The following USP15 variants were observed in gnomAD, a reference collection of about 807,000 sequenced individuals.
The protein encoded by USP15 is ubiquitin specific peptidase 15, also known as ubiquitin carboxyl-terminal hydrolase 15.
USP15 carries 18 observed loss-of-function variants against 127.1 expected under a neutral mutation model. The ratio of observed to expected loss-of-function variants is 0.14; its 90% CI spans 0.10 to 0.21. USP15 has a LOEUF of 0.21. Ranked by LOEUF, USP15 falls within the 10% of genes least tolerant of loss-of-function variation. The pLI, the probability that USP15 is intolerant of heterozygous loss-of-function variation, is 1.00. For missense variants in USP15, 805 were observed against 1,159.9 expected (o/e 0.69, Z 4.44); for synonymous variants, 364 against 393.7 (o/e 0.92, Z 0.89).
Position 62,384,308 on chromosome 12 carries a change from T to C in USP15, c.1473+6T>C. ...CACTTACCAAACCTATGCAGGTAAA[T>C]CATGGGTTGGTTTGTTTTGTTTTTT... On this transcript the variant is annotated splice_donor_region_variant and intron_variant, in intron 11 of 21. Coordinates refer to ENST00000280377, the MANE Select transcript of USP15 (RefSeq NM_001252078.2). The C allele has an allele frequency of 1.9e-6, 3 of 1,542,842 alleles. No homozygotes were observed. The highest frequency in any genetic ancestry group is 2.6e-6 in the Non-Finnish European group (3 of 1,144,786).
At chr12:62,267,557 T>C (rs1008431813) in intron 1 of USP15, among the ~76,000 whole-genome samples, 2 of 152,140 alleles carry the variant, frequency 1.3e-5, no homozygotes, top group African/African-American at 4.8e-5. Flanking sequence ...TGATGCCTTT[T>C]TTTCCTCCAA....
At chr12:62,283,520 TAGAA>T (rs2063708900) in intron 1 of USP15, among the ~76,000 whole-genome samples, 1 of 152,086 alleles carries the variant, frequency 6.6e-6, no homozygotes, top group Non-Finnish European at 1.5e-5. Flanking sequence ...GGAATACAAT[TAGAA>T]AGGAATGATT....
In USP15 at chr12:62,404,333, T is replaced by C. The variant is rs1236627486; in HGVS notation, c.2904T>C (p.Asn968=). The C allele has an allele frequency of 1.2e-6, 2 of 1,612,282 alleles. No individual in the cohort carries two copies. Among genetic ancestry groups the C allele is most frequent in the South Asian group, 1.1e-5 (1 of 90,942 alleles). Residue 968 remains asparagine (N), a synonymous_variant, in exon 22 of 22, where the codon AAT becomes AAC. Transcript: ENST00000280377. The stretch of plus-strand genomic sequence containing the variant: ...AAAGTGATGAAGATAGCAATGATAA[T>C]GACAATGATATAGAAAATGAAAACT... ...PLESDEDSND[N]DNDIENENCM...
chr12:62,362,148 T>C (rs748181566), intron 8 of USP15, among the ~76,000 whole-genome samples: 2 of 152,126 alleles, frequency 1.3e-5, no homozygotes, highest in Non-Finnish European at 2.9e-5. Context: ...AGACAAGTTA[T>C]TATGAGTTGT....
In USP15 at chr12:62,377,796, G is replaced by A. The variant is rs145428885; in HGVS notation, c.916-3694G>A. The stretch of plus-strand genomic sequence containing the variant: ...ACATTGAATACTGATATAACATCAC[G>A]TGGGGCGTGGCAATATTTTTAATTG... On this transcript the variant is annotated intron_variant, in intron 8 of 21. Transcript: ENST00000280377. 1.7e-3 allele frequency among the ~76,000 whole-genome samples: 256 copies of A among 151,604 alleles called. 3 individuals are homozygous for A. Among genetic ancestry groups the A allele is most frequent in the East Asian group, 5.8e-3 (30 of 5,160 alleles).
At chr12:62,301,379 T>C (rs929652692) in intron 2 of USP15, among the ~76,000 whole-genome samples, 5 of 152,176 alleles carry the variant, frequency 3.3e-5, no homozygotes, top group African/African-American at 1.2e-4. Context: ...ATATGACCGA[T>C]TGTACACAAA....
chr12:62,314,129 A>C (rs981902790), intron 3 of USP15: 1 of 520,236 alleles, frequency 1.9e-6, no homozygotes, highest in Admixed American at 6.4e-5. Context: ...GCTTTCTTTT[A>C]ATTGCTGCAT....
chr12:62,303,278 A>T (rs1358194514), intron 3 of USP15: 2 of 155,316 alleles, frequency 1.3e-5, no homozygotes, highest in Admixed American at 6.5e-5. Context: ...TTGATAAAAC[A>T]ATTAGAAAAC....
chr12:62,385,468 A>G (rs1360166547), intron 11 of USP15, among the ~76,000 whole-genome samples: 3 of 151,970 alleles, frequency 2.0e-5, no homozygotes, highest in Non-Finnish European at 2.9e-5. Context: ...CAAAGTAATT[A>G]AAGTCTAGTA....
intron 7 of USP15, among the ~76,000 whole-genome samples, chr12:62,353,155 A>G (rs1343468060): frequency 2.6e-5 from 4 of 152,114 alleles, no homozygotes; most frequent in African/African-American, 9.6e-5. Context: ...TGACCGATCA[A>G]GATATTAAAG....
chr12:62,275,611 C>T (rs1190676477), intron 1 of USP15, among the ~76,000 whole-genome samples: 1 of 151,810 alleles, frequency 6.6e-6, no homozygotes, highest in Non-Finnish European at 1.5e-5. Context: ...TGAGAAAATA[C>T]GAGAGTTGAG....
At chr12:62,297,248 T>C (rs182400537) in intron 2 of USP15, among the ~76,000 whole-genome samples, 2 of 152,216 alleles carry the variant, frequency 1.3e-5, no homozygotes, top group Admixed American at 6.5e-5. Flanking sequence ...CCCTGTAATA[T>C]TGGGAGAAGG....
intron 11 of USP15, among the ~76,000 whole-genome samples, chr12:62,386,567 A>T (rs1483859299): frequency 1.3e-5 from 2 of 152,050 alleles, no homozygotes; most frequent in African/African-American, 4.8e-5. Context: ...GGTGAAAACT[A>T]GAAATAAAAG....
At chr12:62,289,566 G>C (rs1453468540) in intron 1 of USP15, among the ~76,000 whole-genome samples, 1 of 151,780 alleles carries the variant, frequency 6.6e-6, no homozygotes, top group African/African-American at 2.4e-5. Flanking sequence ...TCATTTCATT[G>C]ATCTTTTTGT....
chr12:62,273,037 G>A (rs749169034), intron 1 of USP15, among the ~76,000 whole-genome samples: 18 of 151,788 alleles, frequency 1.2e-4, no homozygotes, highest in Admixed American at 5.3e-4. Flanking sequence ...TATTTAGTTC[G>A]GTCTCAGTCT....
intron 2 of USP15, among the ~76,000 whole-genome samples, chr12:62,300,165 CT>C (rs144508875): frequency 0.078 from 11,857 of 151,792 alleles, 588 homozygotes; most frequent in Middle Eastern, 0.16. Flanking sequence ...TCCAATTTGC[CT>C]TTTTTTTCTT....
chr12:62,290,353 C>T (rs923364950), intron 1 of USP15, among the ~76,000 whole-genome samples: 1 of 152,028 alleles, frequency 6.6e-6, no homozygotes, highest in Non-Finnish European at 1.5e-5. Context: ...TTGAATTGAT[C>T]CCTTTATAAT....
intron 7 of USP15, chr12:62,355,097 T>C: frequency 3.2e-6 from 1 of 309,484 alleles, no homozygotes; most frequent in Non-Finnish European, 5.9e-6. Context: ...AATAGTGCTT[T>C]GTATTGGTTG....
intron 1 of USP15, among the ~76,000 whole-genome samples, chr12:62,293,798 T>A (rs1048532121): frequency 6.6e-6 from 1 of 152,182 alleles, no homozygotes; most frequent in Non-Finnish European, 1.5e-5. Context: ...AAACACACAA[T>A]AAAGTACATA....
Sources: gnomAD v4.1 joint callset for allele counts (sites outside exome capture counted in the v4.1 genomes callset) on GRCh38, gnomAD v4.1.1 for gene constraint, MANE v1.5 for transcripts, NCBI Gene and HGNC (gene_info 2026-07-23, HGNC 2026-07-21) for gene names.